The following PLOD1 variants were observed in gnomAD, a reference collection of about 807,000 sequenced individuals.
PLOD1 encodes lysine hydroxylase.
A neutral mutation model predicts 94.7 loss-of-function variants in PLOD1; 70 were observed. That is an observed-to-expected ratio of 0.74 (90% CI 0.61 to 0.90). PLOD1 has a LOEUF of 0.90. Among genes scored for constraint, PLOD1 ranks in the 40% least tolerant of loss-of-function variants. The pLI is 0.00. For synonymous variants in PLOD1, 417 were observed against 400.2 expected (o/e 1.04, Z -0.50); for missense variants, 905 against 972.7 (o/e 0.93, Z 0.93).
At chr1:11,964,491 G>A (rs1217949189) in intron 12 of PLOD1, among the ~76,000 whole-genome samples, 153 bp from the exon 13 acceptor site, 1 of 152,016 alleles carries the variant, frequency 6.6e-6, no homozygotes, top group African/African-American at 2.4e-5. Flanking sequence ...CAGGGCGGGG[G>A]AATCAAATCA....
intron 2 of PLOD1, 129 bp downstream of exon 2, chr1:11,948,196 G>A: frequency 1.4e-6 from 1 of 736,004 alleles, no homozygotes; most frequent in Non-Finnish European, 2.5e-6. Context: ...CTGGAAGCCT[G>A]AAGGATGAAA....
Position 11,970,694 on chromosome 1 carries a change from G to A in PLOD1, c.1780G>A (p.Glu594Lys), listed in dbSNP as rs777937910. 7 of 1,613,096 alleles carry A rather than the reference G, an allele frequency of 4.3e-6. No individual in the cohort carries two copies. The Admixed American group carries it at 5.0e-5, about 12-fold the overall frequency. Residue 594 changes from glutamate to lysine, a missense_variant, in exon 17 of 19, where the codon GAG becomes AAG. By Grantham distance (56) the Glu-to-Lys change is moderately conservative. Transcript: ENST00000196061. The stretch of plus-strand genomic sequence containing the variant: ...GGACAACCGCATCCAGGGTGGCTAC[G>A]AGAACGTGCCGACTATTGACATCCA... Reference protein sequence around the residue: ...NKDNRIQGGYENVPTIDIHMN... With the variant: ...NKDNRIQGGYKNVPTIDIHMN...
chr1:11,974,319 A>AT (rs1330508275), intron 18 of PLOD1, among the ~76,000 whole-genome samples: 12 of 151,952 alleles, frequency 7.9e-5, no homozygotes, highest in East Asian at 5.8e-4. Context: ...AATAGCTGGG[A>AT]TTACAGGCGT....
At chr1:11,947,165 A>G (rs534437935) in intron 1 of PLOD1, among the ~76,000 whole-genome samples, 1 of 151,432 alleles carries the variant, frequency 6.6e-6, no homozygotes, top group Admixed American at 6.6e-5. Context: ...GCTACTCAGG[A>G]GGCGGAGGTT....
rs370790682 is a variant in PLOD1, at chr1:11,964,260, C to T, written c.1288C>T (p.Arg430Cys). The T allele has an allele frequency of 4.8e-5, 67 of 1,391,262 alleles. No individual in the cohort carries two copies. Among genetic ancestry groups the T allele is most frequent in the Non-Finnish European group, 6.1e-5 (63 of 1,040,988 alleles). The allele number at this position is 1,391,262 out of a possible 1,614,324, so 86.2% of individuals were successfully genotyped here. Residue 430 changes from arginine (R) to cysteine (C), a missense_variant, in exon 12 of 19, where the codon CGT becomes TGT. Physicochemically the swap from Arg to Cys is radical, Grantham distance 180 (BLOSUM62 -3). Coordinates refer to ENST00000196061, the MANE Select transcript of PLOD1 (RefSeq NM_000302.4). ...GALSADGYYA[R>C]SEDYVDIVQG... ...TCTCAGTGCAGATGGCTACTATGCC[C>T]GTTCCGAGGACTACGTGGACATTGT... is the stretch of plus-strand genomic sequence containing the variant.
chr1:11,934,898 G>A (rs1645567863), intron 1 of PLOD1, 43 bp downstream of exon 1: 1 of 1,527,176 alleles, frequency 6.5e-7, no homozygotes, highest in Non-Finnish European at 8.8e-7. Flanking sequence ...GATCCGGGCG[G>A]GAGGGCTGGT....
Position 11,975,165 on chromosome 1 carries a change from T to G in PLOD1, c.*357T>G. Reference sequence around the variant, plus strand: ...GAGCAGAACAGGGGCTTCCCCAAGTTGCCCAGAAAGACTGTCTGGGTGAGA... The same window carrying G: ...GAGCAGAACAGGGGCTTCCCCAAGTGGCCCAGAAAGACTGTCTGGGTGAGA... On this transcript the variant is annotated 3_prime_UTR_variant, in exon 19 of 19. Coordinates refer to ENST00000196061, the MANE Select transcript of PLOD1 (RefSeq NM_000302.4). 2.9e-6 allele frequency: 1 copy of G among 350,076 alleles called. No individual in the cohort carries two copies. The highest frequency in any genetic ancestry group is 5.5e-6 in the Non-Finnish European group (1 of 180,498). The allele number at this position is 350,076 out of a possible 1,614,324, so 21.7% of individuals were successfully genotyped here.
chr1:11,948,921 G>C (rs933329413), intron 2 of PLOD1, among the ~76,000 whole-genome samples: 3 of 152,162 alleles, frequency 2.0e-5, no homozygotes, highest in Non-Finnish European at 4.4e-5. Context: ...TACAGAACAT[G>C]TCATTGCTTA....
chr1:11,949,822 G>A lies in PLOD1; in HGVS notation c.218G>A (p.Gly73Asp). The change falls in exon 3 of 19, where the codon GGT becomes GAT. Residue 73 changes from glycine (G) to aspartate (D), a missense_variant. Coordinates refer to ENST00000196061, the MANE Select transcript of PLOD1 (RefSeq NM_000302.4). ...AATGTGGAGAAGGGGACGTCGGCAG[G>A]TGGAGGGCAGAAGGTCCGGCTGCTG... The part of the protein sequence containing the change: ...DWNVEKGTSA[G>D]GGQKVRLLKK... The A allele has an allele frequency of 6.2e-7, 1 of 1,614,066 alleles. No individual in the cohort carries two copies. The highest frequency in any genetic ancestry group is 8.5e-7 in the Non-Finnish European group (1 of 1,179,924).
intron 4 of PLOD1, among the ~76,000 whole-genome samples, chr1:11,951,693 G>A (rs1341078120): frequency 1.3e-5 from 2 of 149,714 alleles, no homozygotes; most frequent in East Asian, 3.9e-4. Context: ...GCCGAGGTGG[G>A]CGGATCACGA....
At chr1:11,973,028 C>G in intron 18 of PLOD1, 31 bp downstream of exon 18, 1 of 1,612,822 alleles carries the variant, frequency 6.2e-7, no homozygotes, top group Non-Finnish European at 8.5e-7. Flanking sequence ...GTCAAGGGGC[C>G]GGCAATGGGG....
Position 11,970,787 on chromosome 1 carries a change from G to T in PLOD1, c.1873G>T (p.Glu625Ter). 6.2e-7 allele frequency: 1 copy of T among 1,609,334 alleles called. No homozygotes were observed. The highest frequency in any genetic ancestry group is 8.5e-7 in the Non-Finnish European group (1 of 1,179,142). ...GCTGGAGTACATTGCGCCCATGACG[G>T]AGAAGCTCTACCCCGGCTACTACAC... ...FLLEYIAPMT[E>*]KLYPGYYTRA... The change falls in exon 17 of 19, where the codon GAG becomes TAG. Residue 625 changes from glutamate to a stop codon, truncating the protein, a stop_gained. Coordinates refer to ENST00000196061, the MANE Select transcript of PLOD1 (RefSeq NM_000302.4). LOFTEE classifies it high-confidence loss of function.
Position 11,954,654 on chromosome 1 carries a change from C to T in PLOD1, c.580-176C>T, listed in dbSNP as rs1012436932. ...AGTAGAGCCACTAGACTGTAGACCC[C>T]AGGAGCTTGGCTGCTGGCCTTCTCT... is the stretch of plus-strand genomic sequence containing the variant. On this transcript the variant is annotated intron_variant, in intron 5 of 18. Transcript: ENST00000196061. 6.5e-6 allele frequency: 5 copies of T among 773,002 alleles called. No individual in the cohort carries two copies. In the African/African-American group the frequency reaches 8.5e-5, roughly 13 times the overall value. 47.9% of individuals were successfully genotyped at this position (773,002 alleles called of 1,614,324 possible).
At chr1:11,939,550 G>A (rs1645602201) in intron 1 of PLOD1, among the ~76,000 whole-genome samples, 1 of 152,104 alleles carries the variant, frequency 6.6e-6, no homozygotes, top group Non-Finnish European at 1.5e-5. Context: ...CATTCTTCCA[G>A]GAGCTCATCA....
intron 6 of PLOD1, among the ~76,000 whole-genome samples, chr1:11,955,414 A>G (rs1162239713): frequency 6.6e-6 from 1 of 151,922 alleles, no homozygotes; most frequent in African/African-American, 2.4e-5. Flanking sequence ...TCCTCCCCAC[A>G]GGGGACTCAG....
intron 18 of PLOD1, among the ~76,000 whole-genome samples, chr1:11,973,419 GA>G (rs904832387): frequency 2.4e-4 from 37 of 152,088 alleles, no homozygotes; most frequent in Admixed American, 9.2e-4. Flanking sequence ...AGAATCTCTT[GA>G]ACCCAAGAGG....
At chr1:11,970,590 C>CGG in intron 16 of PLOD1, 80 bp from the exon 17 acceptor site, 1 of 1,343,406 alleles carries the variant, frequency 7.4e-7, no homozygotes, top group Non-Finnish European at 1.1e-6. Flanking sequence ...GTCACATTCC[C>CGG]GGGTGTAGGA....
At chr1:11,973,584 T>A (rs1251520226) in intron 18 of PLOD1, among the ~76,000 whole-genome samples, 31 of 152,056 alleles carry the variant, frequency 2.0e-4, no homozygotes, top group Admixed American at 2.0e-3. Context: ...ATAATCCTTT[T>A]TTTTTTCTTT....
chr1:11,958,073 G>T lies in PLOD1; in HGVS notation c.843+130G>T. 1.4e-6 allele frequency: 1 copy of T among 707,008 alleles called. No homozygotes were observed. The allele number at this position is 707,008 out of a possible 1,614,324, so 43.8% of individuals were successfully genotyped here. On this transcript the variant is annotated intron_variant, in intron 8 of 18. Coordinates refer to ENST00000196061, the MANE Select transcript of PLOD1 (RefSeq NM_000302.4). This position sits in a 1 kb window ranked among gnomAD's most constrained non-coding sequence, Gnocchi z 4.3. The stretch of plus-strand genomic sequence containing the variant: ...GTGAAGGGGTCACCTCCCTGCCTGG[G>T]GTTCTATCCCGGTTGCCACCCAAGT...
Sources: gnomAD v4.1 joint callset for allele counts (sites outside exome capture counted in the v4.1 genomes callset) on GRCh38, gnomAD v4.1.1 for gene constraint, Gnocchi (gnomAD v3.1) non-coding constraint, MANE v1.5 for transcripts, NCBI Gene and HGNC (gene_info 2026-07-23, HGNC 2026-07-21) for gene names.